IMMP1L: variants seen among roughly 807,000 people sequenced by gnomAD.
IMMP1L encodes inner mitochondrial membrane peptidase subunit 1, also known as mitochondrial inner membrane protease subunit 1.
IMMP1L carries 24 observed loss-of-function variants against 21.8 expected under a neutral mutation model. The ratio of observed to expected loss-of-function variants is 1.10; its 90% CI spans 0.80 to 1.55. IMMP1L has a LOEUF of 1.55. Ranked by LOEUF, IMMP1L falls within the 40% of genes most tolerant of loss-of-function variation. The probability of loss-of-function intolerance (pLI) is 0.00; values close to 1 mark genes in which losing one functional copy is unlikely to be tolerated. For synonymous variants in IMMP1L, 46 were observed against 62.8 expected (o/e 0.73, Z 1.26); for missense variants, 195 against 200.7 (o/e 0.97, Z 0.17).
intron 2 of IMMP1L, 70 bp from the exon 3 acceptor site, chr11:31,460,784 A>T: frequency 4.6e-6 from 5 of 1,075,974 alleles, no homozygotes; most frequent in Non-Finnish European, 6.9e-6. Flanking sequence ...CTTTTAAGCA[A>T]GCTTAAAAGA....
intron 1 of IMMP1L, among the ~76,000 whole-genome samples, chr11:31,503,142 T>C (rs1293431045): frequency 6.6e-6 from 1 of 152,210 alleles, no homozygotes; most frequent in Non-Finnish European, 1.5e-5. Context: ...TAATTCAGTA[T>C]TTCAGTACTT....
intron 5 of IMMP1L, among the ~76,000 whole-genome samples, chr11:31,432,927 C>T (rs756584770): frequency 9.2e-5 from 14 of 152,146 alleles, no homozygotes; most frequent in Non-Finnish European, 1.9e-4. Flanking sequence ...AATATGGCAT[C>T]TGTTTTAAAT....
chr11:31,456,230 C>A, intron 4 of IMMP1L, 30 bp downstream of exon 4: 1 of 1,476,594 alleles, frequency 6.8e-7, no homozygotes, highest in Non-Finnish European at 9.3e-7. Flanking sequence ...ATTATGACAC[C>A]AAAAATAACA....
At chr11:31,507,005 C>T (rs1036027223) in intron 1 of IMMP1L, among the ~76,000 whole-genome samples, 4 of 151,830 alleles carry the variant, frequency 2.6e-5, no homozygotes, top group East Asian at 1.9e-4. Flanking sequence ...ATTTGGCTGA[C>T]GCGCTGGCTC....
At chr11:31,469,083 A>T (rs886940510) in intron 1 of IMMP1L, among the ~76,000 whole-genome samples, 14 of 152,172 alleles carry the variant, frequency 9.2e-5, no homozygotes, top group Non-Finnish European at 8.8e-5. Flanking sequence ...TCATGTGTGT[A>T]TTGATCATTT....
At chr11:31,497,904 A>T (rs1316428561) in intron 1 of IMMP1L, among the ~76,000 whole-genome samples, 1 of 152,198 alleles carries the variant, frequency 6.6e-6, no homozygotes, top group Non-Finnish European at 1.5e-5. Flanking sequence ...ACACATACAC[A>T]AATTTTTTTA....
intron 1 of IMMP1L, among the ~76,000 whole-genome samples, chr11:31,485,417 G>T (rs549488565): frequency 1.3e-5 from 2 of 151,800 alleles, no homozygotes; most frequent in Non-Finnish European, 3.0e-5. Flanking sequence ...CCCAAATAAG[G>T]ATACGCAACC....
chr11:31,468,701 T>C (rs1048231577), intron 1 of IMMP1L, among the ~76,000 whole-genome samples: 18 of 152,258 alleles, frequency 1.2e-4, no homozygotes, highest in African/African-American at 4.3e-4. Context: ...GCAGATATCA[T>C]AGATACACAA....
chr11:31,442,627 T>C (rs1165761551), intron 4 of IMMP1L, among the ~76,000 whole-genome samples: 3 of 152,188 alleles, frequency 2.0e-5, no homozygotes, highest in African/African-American at 4.8e-5. Flanking sequence ...AGGGTTTGCA[T>C]TGGCCCTACC....
chr11:31,472,181 G>GT (rs1320962241), intron 1 of IMMP1L, among the ~76,000 whole-genome samples: 1 of 152,196 alleles, frequency 6.6e-6, no homozygotes, highest in Non-Finnish European at 1.5e-5. Context: ...CGTTTGCCAT[G>GT]TAAGGCAACA....
Position 31,433,505 on chromosome 11 carries a change from A to T in IMMP1L, c.387T>A (p.Tyr129Ter). 1 of 1,611,608 alleles carries T rather than the reference A, an allele frequency of 6.2e-7. No individual in the cohort carries two copies. The highest frequency in any genetic ancestry group is 8.5e-7 in the Non-Finnish European group (1 of 1,178,562). The change falls in exon 5 of 6, where the codon TAT becomes TAA. Residue 129 changes from tyrosine (Y) to a stop codon, truncating the protein, a stop_gained. Coordinates refer to ENST00000532287, the MANE Select transcript of IMMP1L (RefSeq NM_001304274.2). LOFTEE classifies it high-confidence loss of function. ...TTATTAGTCCATATGGAATAGGTCC[A>T]TAGCACCTGGAATCTGTAGAATTCT... ...NLQNSTDSRC[Y>*]GPIPYGLIRG...
rs183149086 is a variant in IMMP1L at position 31,497,652 on chromosome 11, G to A, written c.-30+11867C>T. ...AATTTTTCTATTTTTAGTAGAGACGGGGTTTCAGCATGTTAGCCAGTATGG... is the reference window on the plus strand; with the variant it reads ...AATTTTTCTATTTTTAGTAGAGACGAGGTTTCAGCATGTTAGCCAGTATGG... On this transcript the variant is annotated intron_variant, in intron 1 of 5. Transcript: ENST00000532287. Among the ~76,000 whole-genome samples the A allele has an allele frequency of 1.1e-3, 173 of 152,148 alleles. 2 individuals carry two copies. The highest frequency in any genetic ancestry group is 3.9e-3 in the African/African-American group (161 of 41,542).
chr11:31,471,037 C>A (rs1040554701), intron 1 of IMMP1L, among the ~76,000 whole-genome samples: 1 of 152,150 alleles, frequency 6.6e-6, no homozygotes, highest in African/African-American at 2.4e-5. Context: ...GAAATAAGTT[C>A]TACTGTTCTA....
At chr11:31,437,887 G>A (rs570370716) in intron 4 of IMMP1L, among the ~76,000 whole-genome samples, 4 of 152,220 alleles carry the variant, frequency 2.6e-5, no homozygotes, top group African/African-American at 9.6e-5. Flanking sequence ...TGCTTAGCAA[G>A]TTTTTATGAT....
At chr11:31,462,450 TA>T (rs1312034380) in intron 2 of IMMP1L, among the ~76,000 whole-genome samples, 2 of 149,430 alleles carry the variant, frequency 1.3e-5, no homozygotes, top group Non-Finnish European at 1.5e-5. Context: ...ATAACAACAA[TA>T]AAAAAAATTG....
At chr11:31,459,346 C>A (rs967370687) in intron 3 of IMMP1L, among the ~76,000 whole-genome samples, 1 of 152,122 alleles carries the variant, frequency 6.6e-6, no homozygotes, top group African/African-American at 2.4e-5. Flanking sequence ...CCTAAACCTA[C>A]TTAATATGCC....
At chr11:31,486,529 G>T (rs1052181431) in intron 1 of IMMP1L, among the ~76,000 whole-genome samples, 10 of 151,778 alleles carry the variant, frequency 6.6e-5, no homozygotes, top group African/African-American at 2.4e-4. Context: ...TACAATAAAA[G>T]AAATGATAAT....
intron 1 of IMMP1L, among the ~76,000 whole-genome samples, chr11:31,501,979 A>G (rs1168716518): frequency 6.6e-6 from 1 of 151,868 alleles, no homozygotes; most frequent in Non-Finnish European, 1.5e-5. Context: ...CTGTCTCAAA[A>G]AAAAAAGAAA....
At chr11:31,463,087 G>C in intron 2 of IMMP1L, 85 bp downstream of exon 2, 2 of 1,052,206 alleles carry the variant, frequency 1.9e-6, no homozygotes, top group Non-Finnish European at 1.3e-6. Context: ...ACTTCAACTA[G>C]GTTTTCAAAA....
Sources: allele counts gnomAD v4.1 joint callset (sites outside exome capture counted in the v4.1 genomes callset), GRCh38; gene constraint gnomAD v4.1.1; transcripts MANE v1.5; gene names NCBI Gene and HGNC (gene_info 2026-07-23, HGNC 2026-07-21).